RNF220: variants seen among roughly 807,000 people sequenced by gnomAD.
The protein encoded by RNF220 is E3 ubiquitin-protein ligase RNF220.
Under a neutral mutation model 67.1 loss-of-function variants are expected in RNF220, and 7 were observed. The observed-to-expected ratio is 0.10, with a 90% CI of 0.06 to 0.20. RNF220 has a LOEUF of 0.20. RNF220 is among the 10% of genes least tolerant of loss of function. The pLI, the probability that RNF220 is intolerant of heterozygous loss-of-function variation, is 1.00. For synonymous variants in RNF220, 270 were observed against 283.2 expected (o/e 0.95, Z 0.47); for missense variants, 565 against 740.3 (o/e 0.76, Z 2.75).
chr1:44,585,244 T>G (rs1011343954), intron 2 of RNF220, among the ~76,000 whole-genome samples: 1 of 152,220 alleles, frequency 6.6e-6, no homozygotes, highest in East Asian at 1.9e-4. Context: ...TAGCAGGAAC[T>G]GTTCCCTCTG....
At position 44,507,756 on chromosome 1, in the gene RNF220, G is replaced by A. The variant is rs536364249; in HGVS notation, c.625+95034G>A. 2.6e-5 allele frequency among the ~76,000 whole-genome samples: 4 copies of A among 152,298 alleles called. No individual in the cohort carries two copies. In the South Asian group the frequency reaches 6.2e-4, roughly 24 times the overall value. On this transcript the variant is annotated intron_variant, in intron 2 of 14. Coordinates refer to ENST00000361799, the MANE Select transcript of RNF220 (RefSeq NM_018150.4). ...GGCCGGTGTGGGCGGCTTGGGCGCT[G>A]GGCGGCTGTCTCCTGACACCAGAAA...
At chr1:44,456,580 AAGGAGCTT>A (rs1653206116) in intron 2 of RNF220, among the ~76,000 whole-genome samples, 1 of 152,198 alleles carries the variant, frequency 6.6e-6, no homozygotes, top group Non-Finnish European at 1.5e-5. Flanking sequence ...CCCTGTCCTC[AAGGAGCTT>A]CGTAAGTTTT....
At chr1:44,578,319 T>A (rs1664979388) in intron 2 of RNF220, among the ~76,000 whole-genome samples, 1 of 151,818 alleles carries the variant, frequency 6.6e-6, no homozygotes, top group African/African-American at 2.4e-5. Context: ...CAGCTCATTT[T>A]TTGTATTTCT....
chr1:44,506,175 G>C (rs542510990), intron 2 of RNF220, among the ~76,000 whole-genome samples: 1 of 152,360 alleles, frequency 6.6e-6, no homozygotes, highest in Admixed American at 6.5e-5. Flanking sequence ...TTTCTTAAAA[G>C]GATGTGGAAT....
At chr1:44,520,469 A>G in intron 2 of RNF220, among the ~76,000 whole-genome samples, 1 of 152,136 alleles carries the variant, frequency 6.6e-6, no homozygotes, top group Non-Finnish European at 1.5e-5. Flanking sequence ...CCGTCTCAAA[A>G]AAAGAAAAGA....
chr1:44,516,981 A>G (rs1572741669), intron 2 of RNF220, among the ~76,000 whole-genome samples: 1 of 150,884 alleles, frequency 6.6e-6, no homozygotes, highest in South Asian at 2.1e-4. Context: ...TTCCCATGGC[A>G]CCTCCCCATC....
At chr1:44,559,725 C>A (rs114702063) in intron 2 of RNF220, among the ~76,000 whole-genome samples, 176 of 152,304 alleles carry the variant, frequency 1.2e-3, no homozygotes, top group African/African-American at 3.8e-3. Flanking sequence ...TGCGAGGGAG[C>A]TTTGGAAGCT....
At chr1:44,407,414 A>T (rs1409415837) in intron 1 of RNF220, among the ~76,000 whole-genome samples, 1 of 152,152 alleles carries the variant, frequency 6.6e-6, no homozygotes, top group Non-Finnish European at 1.5e-5. Flanking sequence ...GCAAAGGGGA[A>T]TGAGCAGAGG....
chr1:44,583,135 C>T (rs913838215), intron 2 of RNF220, among the ~76,000 whole-genome samples: 17 of 151,960 alleles, frequency 1.1e-4, no homozygotes, highest in African/African-American at 2.9e-4. Flanking sequence ...CCAGCCAGAG[C>T]GCTTTCAAGA....
chr1:44,425,228 G>A (rs1287554576), intron 2 of RNF220, among the ~76,000 whole-genome samples: 2 of 152,098 alleles, frequency 1.3e-5, no homozygotes, highest in Admixed American at 6.5e-5. Context: ...TTTGCTTATG[G>A]AGTTGGGGAT....
chr1:44,547,548 T>C (rs1339639601), intron 2 of RNF220, among the ~76,000 whole-genome samples: 13 of 152,094 alleles, frequency 8.5e-5, no homozygotes. Context: ...CCTGCCACCC[T>C]AAATAAAAGT....
chr1:44,523,678 C>G (rs973291142), intron 2 of RNF220, among the ~76,000 whole-genome samples: 2 of 151,948 alleles, frequency 1.3e-5, no homozygotes, highest in South Asian at 4.1e-4. Flanking sequence ...ACCTGCTTCG[C>G]ATGGTGTTAG....
chr1:44,525,349 C>T (rs144126483), intron 2 of RNF220, among the ~76,000 whole-genome samples: 1 of 152,210 alleles, frequency 6.6e-6, no homozygotes, highest in African/African-American at 2.4e-5. Context: ...GAAGAGGCAG[C>T]GTCCTGCACG....
In RNF220 at chr1:44,412,431, C is replaced by T. The variant is rs2147805575; in HGVS notation, c.334C>T (p.Leu112=). The T allele has an allele frequency of 1.9e-6, 3 of 1,612,886 alleles. No homozygotes were observed. The East Asian group carries it at 6.7e-5, about 36-fold the overall frequency. ...TCTAGATTGCACCCCAATCAGTATGCTGAATCATAGTGGTGTGGGGGCTTT... is the reference window on the plus strand; with the variant it reads ...TCTAGATTGCACCCCAATCAGTATGTTGAATCATAGTGGTGTGGGGGCTTT... ...PNLDCTPISM[L]NHSGVGAFRP... is the part of the protein sequence containing the mutation. The change falls in exon 2 of 15, where the codon CTG becomes TTG. Residue 112 remains leucine (L), a synonymous_variant. Transcript: ENST00000361799. The surrounding 1 kb of genome is among the most constrained non-coding windows in gnomAD (Gnocchi z 5.3).
intron 2 of RNF220, among the ~76,000 whole-genome samples, chr1:44,426,013 T>A (rs1649734005): frequency 6.6e-6 from 1 of 152,214 alleles, no homozygotes; most frequent in Non-Finnish European, 1.5e-5. Context: ...GTTACCCAAC[T>A]CTTGTAGACT....
At chr1:44,505,775 T>C (rs969465197) in intron 2 of RNF220, among the ~76,000 whole-genome samples, 1 of 152,190 alleles carries the variant, frequency 6.6e-6, no homozygotes, top group Non-Finnish European at 1.5e-5. Flanking sequence ...GGCAGGAGAA[T>C]GCAGAGAGCA....
intron 2 of RNF220, among the ~76,000 whole-genome samples, chr1:44,481,408 C>T (rs933611800): frequency 6.6e-6 from 1 of 152,070 alleles, no homozygotes; most frequent in Non-Finnish European, 1.5e-5. Flanking sequence ...CCTGGGTTGG[C>T]CATCATCCTC....
chr1:44,619,352 G>C (rs1643695973), intron 3 of RNF220, among the ~76,000 whole-genome samples: 1 of 152,216 alleles, frequency 6.6e-6, no homozygotes, highest in East Asian at 1.9e-4. Flanking sequence ...TGACTCTAGA[G>C]AAGAGGCGGG....
At chr1:44,511,026 G>A (rs933276833) in intron 2 of RNF220, among the ~76,000 whole-genome samples, 6 of 152,196 alleles carry the variant, frequency 3.9e-5, no homozygotes, top group Admixed American at 1.3e-4. Context: ...GGGGATGACG[G>A]GGAGTGATGT....
Sources: allele counts gnomAD v4.1 joint callset (sites outside exome capture counted in the v4.1 genomes callset), GRCh38; gene constraint gnomAD v4.1.1; non-coding constraint Gnocchi (gnomAD v3.1); transcripts MANE v1.5; gene names NCBI Gene and HGNC (gene_info 2026-07-23, HGNC 2026-07-21).